SYNE2: variants seen among roughly 807,000 people sequenced by gnomAD.
SYNE2 encodes the protein spectrin repeat containing nuclear envelope protein 2, also known as nesprin-2.
SYNE2 carries 431 observed loss-of-function variants against 856.3 expected under a neutral mutation model. The observed-to-expected ratio is 0.50, with a 90% CI of 0.47 to 0.55. SYNE2 has a LOEUF of 0.55. Ranked by LOEUF, SYNE2 falls within the 20% of genes least tolerant of loss-of-function variation. The probability of loss-of-function intolerance (pLI) is 0.00; values close to 1 mark genes in which losing one functional copy is unlikely to be tolerated. For synonymous variants in SYNE2, 2,923 were observed against 2,872.3 expected (o/e 1.02, Z -0.56); for missense variants, 8,129 against 8,023.2 (o/e 1.01, Z -0.50).
At chr14:64,170,015 G>C (rs900274548) in intron 93 of SYNE2, among the ~76,000 whole-genome samples, 1 of 152,130 alleles carries the variant, frequency 6.6e-6, no homozygotes, top group African/African-American at 2.4e-5. Context: ...ACCAGGTTAC[G>C]TGCAGATACC....
At position 64,113,534 on chromosome 14, in the gene SYNE2, T is replaced by A; in HGVS notation, c.12803T>A (p.Met4268Lys). The A allele has an allele frequency of 1.9e-6, 3 of 1,612,938 alleles. No individual in the cohort carries two copies. Among genetic ancestry groups the A allele is most frequent in the Non-Finnish European group, 2.5e-6 (3 of 1,179,436 alleles). ...GAGCCGGAAACATTAAACGCAGACA[T>A]GCAGCAGGTGCTGGAACAGCAGCTG... ...AVEPETLNAD[M>K]QQVLEQQLVG... is the part of the protein sequence containing the mutation. Residue 4268 changes from methionine (M) to lysine (K), a missense_variant, in exon 66 of 116, where the codon ATG (methionine) becomes AAG (lysine). By Grantham distance (95) the Met-to-Lys change is moderately conservative. This residue lies in a region of SYNE2 where 5,410 missense variants were observed against 5,284.8 expected (regional missense o/e 1.02). Transcript: ENST00000555002.
chr14:63,877,535 A>T (rs958251760), intron 1 of SYNE2, among the ~76,000 whole-genome samples: 4 of 152,188 alleles, frequency 2.6e-5, no homozygotes, highest in Admixed American at 2.0e-4. Flanking sequence ...TGGAGTGGAA[A>T]TGAGAACCAT....
chr14:64,176,332 G>A (rs558503117), intron 95 of SYNE2, among the ~76,000 whole-genome samples: 1 of 152,258 alleles, frequency 6.6e-6, no homozygotes, highest in African/African-American at 2.4e-5. Context: ...ATTTTTCTCT[G>A]AGCCTTAGTT....
intron 43 of SYNE2, 49 bp downstream of exon 43, chr14:64,027,842 A>T: frequency 7.3e-6 from 10 of 1,367,552 alleles, no homozygotes; most frequent in African/African-American, 2.9e-5. Flanking sequence ...ATTATACATA[A>T]GTATGCAAGA....
chr14:63,869,735 C>T (rs1399974150), intron 1 of SYNE2, among the ~76,000 whole-genome samples: 2 of 151,510 alleles, frequency 1.3e-5, no homozygotes, highest in East Asian at 1.9e-4. Context: ...AAAATGTTAG[C>T]TTCCTTCTTT....
At chr14:64,223,686 G>A (rs1276745181) in intron 113 of SYNE2, among the ~76,000 whole-genome samples, 3 of 152,048 alleles carry the variant, frequency 2.0e-5, no homozygotes, top group Non-Finnish European at 4.4e-5. Context: ...GGCTGGTCTT[G>A]AACTCCTGAC....
intron 2 of SYNE2, among the ~76,000 whole-genome samples, chr14:63,925,760 T>A (rs1244142137): frequency 6.6e-6 from 1 of 152,262 alleles, no homozygotes; most frequent in East Asian, 1.9e-4. Context: ...AGTGAAATCA[T>A]GTGACGTTCT....
In SYNE2 at chr14:64,189,945, G is replaced by T. The variant is rs149712853; in HGVS notation, c.17872-126G>T. On this transcript the variant is annotated intron_variant, in intron 98 of 115. Transcript: ENST00000555002. ...CCCAAACTGCTGGGATTATTGGTAT[G>T]AGCCACTATGCCTGGCCAATTTTTT... is the stretch of plus-strand genomic sequence containing the variant. 4.2e-3 allele frequency: 4,413 copies of T among 1,062,296 alleles called. 21 individuals carry two copies. Among genetic ancestry groups the T allele is most frequent in the Non-Finnish European group, 4.6e-3 (3,375 of 729,428 alleles). The allele number at this position is 1,062,296 out of a possible 1,614,324, so 65.8% of individuals were successfully genotyped here. A position where few individuals can be genotyped will look rare whatever the true frequency, so the allele number is the denominator to read the frequency against.
chr14:63,787,965 C>T (rs997164893), intron 1 of SYNE2, among the ~76,000 whole-genome samples: 2 of 152,216 alleles, frequency 1.3e-5, no homozygotes, highest in Admixed American at 6.5e-5. Flanking sequence ...TTCTGCAGGC[C>T]AGTGCCAAGC....
At chr14:63,873,008 C>T (rs928270638) in intron 1 of SYNE2, among the ~76,000 whole-genome samples, 11 of 152,210 alleles carry the variant, frequency 7.2e-5, no homozygotes, top group East Asian at 5.8e-4. Context: ...CACCTGTTCA[C>T]GTCTTTTGCT....
In SYNE2 at chr14:63,783,242, C is replaced by T. The variant is rs550340135; in HGVS notation, c.-305+21256C>T. Among the ~76,000 whole-genome samples the T allele has an allele frequency of 1.6e-4, 24 of 152,278 alleles. 1 individual carries two copies. The South Asian group carries it at 4.6e-3, about 29-fold the overall frequency. ...GGTAGTTCCTCCTGCGCTAATTCTC[C>T]TTTTTGCGGCCTTGTGAAGAGGGTA... On this transcript the variant is annotated intron_variant, in intron 1 of 23. Coordinates refer to the SYNE2 transcript ENST00000674003.
chr14:64,149,437 C>T (rs766166311), intron 84 of SYNE2, among the ~76,000 whole-genome samples: 1 of 147,696 alleles, frequency 6.8e-6, no homozygotes, highest in Admixed American at 6.7e-5. Flanking sequence ...AAGTTAAGGA[C>T]TGGAGTTGAT....
intron 96 of SYNE2, among the ~76,000 whole-genome samples, chr14:64,181,898 T>C (rs2098459845): frequency 6.6e-6 from 1 of 152,246 alleles, no homozygotes; most frequent in African/African-American, 2.4e-5. Flanking sequence ...TGTCCAAAGA[T>C]TGAGTCCTTG....
intron 1 of SYNE2, among the ~76,000 whole-genome samples, chr14:63,803,409 C>T (rs1176032630): frequency 1.3e-5 from 2 of 152,190 alleles, no homozygotes; most frequent in Non-Finnish European, 2.9e-5. Context: ...AGCCCTGCCC[C>T]GCAGAAAGGC....
intron 92 of SYNE2, 92 bp from the exon 93 acceptor site, chr14:64,168,785 T>C: frequency 1.1e-6 from 1 of 903,238 alleles, no homozygotes; most frequent in South Asian, 1.4e-5. Context: ...CTCATATCCT[T>C]TGTAAGCTTA....
chr14:63,818,190 C>A (rs1250279717), intron 1 of SYNE2, among the ~76,000 whole-genome samples: 1 of 151,656 alleles, frequency 6.6e-6, no homozygotes, highest in Non-Finnish European at 1.5e-5. Context: ...CAAAAATTAG[C>A]TGGGCATGGT....
intron 70 of SYNE2, 122 bp downstream of exon 70, chr14:64,122,549 T>G: frequency 7.6e-7 from 1 of 1,316,348 alleles, no homozygotes; most frequent in Non-Finnish European, 1.1e-6. Context: ...TTTACTTGGC[T>G]GATACATTTT....
At chr14:64,182,568 G>A (rs2098463670) in intron 96 of SYNE2, among the ~76,000 whole-genome samples, 2 of 152,060 alleles carry the variant, frequency 1.3e-5, no homozygotes, top group African/African-American at 2.4e-5. Flanking sequence ...CTGGGTACTT[G>A]AGATTAGGGA....
At chr14:63,807,754 A>C (rs949203545) in intron 1 of SYNE2, among the ~76,000 whole-genome samples, 8 of 133,952 alleles carry the variant, frequency 6.0e-5, no homozygotes, top group African/African-American at 2.2e-4. Context: ...TCCTGGGCTC[A>C]ATGGATCCAC....
Sources: allele counts gnomAD v4.1 joint callset (sites outside exome capture counted in the v4.1 genomes callset), GRCh38; gene constraint gnomAD v4.1.1; regional missense constraint gnomAD v4.1.1; transcripts MANE v1.5; gene names NCBI Gene and HGNC (gene_info 2026-07-23, HGNC 2026-07-21).